The following CNTNAP5 variants were observed in gnomAD, a reference collection of about 807,000 sequenced individuals.
CNTNAP5 encodes the protein contactin-associated protein-like 5.
A neutral mutation model predicts 150.2 loss-of-function variants in CNTNAP5; 72 were observed. That is an observed-to-expected ratio of 0.48 (90% CI 0.40 to 0.58). The LOEUF (loss-of-function observed/expected upper bound fraction) is 0.58, where lower values mean the gene tolerates loss of function less well. CNTNAP5 is among the 20% of genes least tolerant of loss of function. The pLI, the probability that CNTNAP5 is intolerant of heterozygous loss-of-function variation, is 0.00. For missense variants in CNTNAP5, 1,636 were observed against 1,626.2 expected (o/e 1.01, Z -0.10); for synonymous variants, 672 against 619.8 (o/e 1.08, Z -1.25).
intron 1 of CNTNAP5, among the ~76,000 whole-genome samples, chr2:124,063,152 C>T (rs796708124): frequency 2.0e-5 from 3 of 151,810 alleles, no homozygotes; most frequent in East Asian, 1.9e-4. Context: ...AATTCCCCAC[C>T]GAAACGGAAA....
At chr2:124,085,465 A>AT (rs35889480) in intron 1 of CNTNAP5, among the ~76,000 whole-genome samples, 6 of 150,582 alleles carry the variant, frequency 4.0e-5, no homozygotes, top group African/African-American at 9.8e-5. Context: ...AATTTTATTG[A>AT]TTTTTTTTCA....
At chr2:124,553,638 A>G (rs1318767570) in intron 10 of CNTNAP5, among the ~76,000 whole-genome samples, 1 of 152,218 alleles carries the variant, frequency 6.6e-6, no homozygotes, top group Non-Finnish European at 1.5e-5. Flanking sequence ...AATAAAATCC[A>G]GAGTTTTCCA....
At chr2:124,715,782 T>C (rs527863114) in intron 13 of CNTNAP5, among the ~76,000 whole-genome samples, 45 of 152,256 alleles carry the variant, frequency 3.0e-4, no homozygotes, top group African/African-American at 9.6e-4. Context: ...GCCGTTGCTA[T>C]AGAAAGAAGG....
In CNTNAP5 at chr2:124,451,250, C is replaced by CA. The variant is rs142393156; in HGVS notation, c.918+4319dup. On this transcript the variant is annotated intron_variant, in intron 6 of 23. Coordinates refer to ENST00000682447, the MANE Select transcript of CNTNAP5 (RefSeq NM_001367498.1). ...GAAAATTCTTAGTCAAAAAAACAAA[C>CA]AAAAAATTAGATTGAACTAAACATT... is the stretch of plus-strand genomic sequence containing the variant. Among the ~76,000 whole-genome samples, 572 of 150,720 alleles carry CA rather than the reference C, an allele frequency of 3.8e-3. 5 individuals carry two copies. Among genetic ancestry groups the CA allele is most frequent in the African/African-American group, 0.013 (543 of 41,058 alleles).
chr2:124,698,322 A>G (rs1393972280), intron 13 of CNTNAP5, among the ~76,000 whole-genome samples: 1 of 151,754 alleles, frequency 6.6e-6, no homozygotes, highest in East Asian at 1.9e-4. Context: ...GCAGATACTC[A>G]GAGATGCAAC....
intron 6 of CNTNAP5, among the ~76,000 whole-genome samples, chr2:124,453,295 G>A (rs1693034673): frequency 6.6e-6 from 1 of 151,738 alleles, no homozygotes; most frequent in African/African-American, 2.4e-5. Flanking sequence ...GGAGCTCAGA[G>A]ACAAGGTTTT....
At chr2:124,395,763 A>G (rs913896368) in intron 3 of CNTNAP5, among the ~76,000 whole-genome samples, 9 of 152,226 alleles carry the variant, frequency 5.9e-5, no homozygotes, top group African/African-American at 1.9e-4. Flanking sequence ...ATATGCATGC[A>G]TATATTTATA....
intron 19 of CNTNAP5, among the ~76,000 whole-genome samples, chr2:124,863,092 G>A (rs1677559437): frequency 6.6e-6 from 1 of 152,138 alleles, no homozygotes; most frequent in East Asian, 1.9e-4. Flanking sequence ...TTCAAAAATG[G>A]AAAAATATGT....
chr2:124,362,623 G>C (rs1352479681), intron 3 of CNTNAP5, among the ~76,000 whole-genome samples: 1 of 152,066 alleles, frequency 6.6e-6, no homozygotes, highest in Non-Finnish European at 1.5e-5. Context: ...TTATTTATGG[G>C]GCTGTGAAGG....
chr2:124,789,373 C>G (rs922936423), intron 17 of CNTNAP5, among the ~76,000 whole-genome samples: 3 of 152,038 alleles, frequency 2.0e-5, no homozygotes, highest in African/African-American at 4.8e-5. Flanking sequence ...GAGGGGGTTC[C>G]CAGCCTAGAA....
chr2:124,536,387 G>T (rs553418183), intron 10 of CNTNAP5, among the ~76,000 whole-genome samples: 25 of 152,126 alleles, frequency 1.6e-4, no homozygotes, highest in Non-Finnish European at 2.9e-4. Context: ...AGAAATGCAA[G>T]TCTCAGACAG....
intron 11 of CNTNAP5, among the ~76,000 whole-genome samples, chr2:124,570,107 G>A (rs1248970118): frequency 6.6e-6 from 1 of 152,150 alleles, no homozygotes; most frequent in Non-Finnish European, 1.5e-5. Flanking sequence ...GATGATATCT[G>A]AATCTTCCCA....
chr2:124,426,166 T>C (rs1359631146), intron 4 of CNTNAP5, among the ~76,000 whole-genome samples: 1 of 152,190 alleles, frequency 6.6e-6, no homozygotes, highest in Admixed American at 6.5e-5. Context: ...TGTACTATGA[T>C]TGTTTTCATG....
At chr2:124,637,911 A>G (rs1218452358) in intron 12 of CNTNAP5, among the ~76,000 whole-genome samples, 1 of 151,636 alleles carries the variant, frequency 6.6e-6, no homozygotes, top group Admixed American at 6.6e-5. Flanking sequence ...GTCAACTAGA[A>G]CTTTCCCTAC....
chr2:124,063,761 T>A (rs1682076203), intron 1 of CNTNAP5, among the ~76,000 whole-genome samples: 1 of 151,716 alleles, frequency 6.6e-6, no homozygotes, highest in African/African-American at 2.4e-5. Flanking sequence ...GGAGATGGAG[T>A]AAGATTCACA....
chr2:124,842,630 A>G (rs935474638), intron 19 of CNTNAP5, among the ~76,000 whole-genome samples: 27 of 152,166 alleles, frequency 1.8e-4, no homozygotes, highest in Admixed American at 3.9e-4. Flanking sequence ...GCAAACGTAA[A>G]CAGAAGCACT....
intron 1 of CNTNAP5, among the ~76,000 whole-genome samples, chr2:124,089,994 G>A (rs1322661636): frequency 2.6e-5 from 4 of 152,322 alleles, no homozygotes; most frequent in Admixed American, 1.3e-4. Context: ...TTTCCCCCAC[G>A]GAGTGGGAAA....
At chr2:124,840,551 C>T (rs1304870955) in intron 19 of CNTNAP5, among the ~76,000 whole-genome samples, 7 of 152,094 alleles carry the variant, frequency 4.6e-5, no homozygotes, top group Non-Finnish European at 1.0e-4. Flanking sequence ...CTGGCTGCAA[C>T]TAACAACCTT....
chr2:124,200,981 T>A (rs1685714280), intron 1 of CNTNAP5, among the ~76,000 whole-genome samples: 1 of 152,218 alleles, frequency 6.6e-6, no homozygotes, highest in South Asian at 2.1e-4. Context: ...GATGTCAATA[T>A]TTCTCTGGGG....
Sources: gnomAD v4.1 joint callset for allele counts (sites outside exome capture counted in the v4.1 genomes callset) on GRCh38, gnomAD v4.1.1 for gene constraint, MANE v1.5 for transcripts, NCBI Gene and HGNC (gene_info 2026-07-23, HGNC 2026-07-21) for gene names.